The following RIMS1 variants were observed in gnomAD, a reference collection of about 807,000 sequenced individuals.
RIMS1 encodes regulating synaptic membrane exocytosis protein 1.
RIMS1 carries 83 observed loss-of-function variants against 214.1 expected under a neutral mutation model. The observed-to-expected ratio is 0.39, with a 90% CI of 0.32 to 0.47. RIMS1 has a LOEUF of 0.47. Ranked by LOEUF, RIMS1 falls within the 20% of genes least tolerant of loss-of-function variation. The probability of loss-of-function intolerance (pLI) is 0.99; values close to 1 mark genes in which losing one functional copy is unlikely to be tolerated. For synonymous variants in RIMS1, 793 were observed against 786.8 expected (o/e 1.01, Z -0.13); for missense variants, 2,050 against 2,161.8 (o/e 0.95, Z 1.03).
At chr6:71,983,370 C>T (rs1798981134) in intron 2 of RIMS1, among the ~76,000 whole-genome samples, 1 of 151,920 alleles carries the variant, frequency 6.6e-6, no homozygotes, top group Non-Finnish European at 1.5e-5. Context: ...TTCTATTTCT[C>T]ATTTAAATAT....
At chr6:72,223,791 C>CA (rs1288623693) in intron 6 of RIMS1, among the ~76,000 whole-genome samples, 2 of 151,328 alleles carry the variant, frequency 1.3e-5, no homozygotes, top group Non-Finnish European at 3.0e-5. Context: ...ACTAAAAATA[C>CA]AAAAAAATTA....
chr6:72,245,700 T>C, intron 10 of RIMS1, 115 bp from the exon 11 acceptor site: 1 of 737,162 alleles, frequency 1.4e-6, no homozygotes, highest in Admixed American at 2.3e-5. Flanking sequence ...CTCCTATTCA[T>C]TTCCACACCT....
chr6:72,095,229 C>A (rs780348420), intron 2 of RIMS1, among the ~76,000 whole-genome samples: 4 of 149,334 alleles, frequency 2.7e-5, no homozygotes, highest in African/African-American at 7.4e-5. Context: ...TCCCAAAGTG[C>A]TGGGATTACA....
Position 72,235,693 on chromosome 6 carries a change from A to G in RIMS1, c.1822A>G (p.Met608Val), listed in dbSNP as rs761343620. ...GRVILNKRTT[M>V]PKDSGALLGL... ...TGTTATTCTTAACAAGAGAACAACC[A>G]TGCCCAAAGACTCAGGTGCATTGCT... The change falls in exon 8 of 34, where the codon ATG (methionine) becomes GTG (valine). Residue 608 changes from methionine to valine, a missense_variant. Physicochemically the swap from Met to Val is conservative, Grantham distance 21 (BLOSUM62 1). Transcript: ENST00000521978. The G allele has an allele frequency of 1.2e-6, 2 of 1,609,352 alleles. No individual in the cohort carries two copies. Among genetic ancestry groups the G allele is most frequent in the South Asian group, 2.2e-5 (2 of 89,980 alleles).
chr6:72,261,678 T>C, intron 19 of RIMS1: 1 of 985,192 alleles, frequency 1.0e-6, no homozygotes. Flanking sequence ...CCGCAGTACT[T>C]GGGATGCAAA....
rs547717528 is a variant in RIMS1, at chr6:72,050,767, C to T, written c.246-46182C>T. 1.7e-4 allele frequency among the ~76,000 whole-genome samples: 26 copies of T among 152,208 alleles called. No homozygotes were observed. The East Asian group carries it at 4.3e-3, about 25-fold the overall frequency. On this transcript the variant is annotated intron_variant, in intron 2 of 33. Transcript: ENST00000521978. ...GTGTATATCCAAATGTCTGTCTTTT[C>T]GTAAGGTTTATGTGGTAGACTTTTA...
chr6:72,260,668 TTA>T, intron 18 of RIMS1, 35 bp from the exon 19 acceptor site: 1 of 1,608,774 alleles, frequency 6.2e-7, no homozygotes, highest in Non-Finnish European at 8.5e-7. Flanking sequence ...GTCTCATAAT[TTA>T]TCTGTTTCAC....
intron 16 of RIMS1, among the ~76,000 whole-genome samples, chr6:72,257,374 TTATAA>T (rs751724089): frequency 1.8e-4 from 28 of 152,096 alleles, no homozygotes; most frequent in Non-Finnish European, 4.0e-4. Flanking sequence ...AAAGTGACTG[TTATAA>T]TTTATTTTAA....
intron 6 of RIMS1, among the ~76,000 whole-genome samples, chr6:72,202,975 T>C (rs1310747042): frequency 1.3e-5 from 2 of 152,126 alleles, no homozygotes; most frequent in African/African-American, 4.8e-5. Flanking sequence ...TCCATAAATA[T>C]TCTTTCTTTC....
chr6:72,275,376 G>A (rs557094310), intron 23 of RIMS1, among the ~76,000 whole-genome samples: 1 of 151,364 alleles, frequency 6.6e-6, no homozygotes, highest in South Asian at 2.1e-4. Flanking sequence ...GTGTGCGTAC[G>A]GCAGAGTAAT....
Position 72,260,693 on chromosome 6 carries a change from C to T in RIMS1, c.3054-12C>T, listed in dbSNP as rs1563201044. On this transcript the variant is annotated splice_polypyrimidine_tract_variant and intron_variant, in intron 18 of 33. Transcript: ENST00000521978. ...TTATCTGTTTCACTCACCACCCATC[C>T]TGTCTGTGCAGTGAGCTTCTTATGC... 2 of 1,612,110 alleles carry T rather than the reference C, an allele frequency of 1.2e-6. No homozygotes were observed. Among genetic ancestry groups the T allele is most frequent in the Admixed American group, 1.7e-5 (1 of 59,810 alleles).
At chr6:72,121,602 G>A (rs2038332411) in intron 4 of RIMS1, among the ~76,000 whole-genome samples, 5 of 151,756 alleles carry the variant, frequency 3.3e-5, no homozygotes, top group Admixed American at 1.3e-4. Flanking sequence ...CTGCAAACAG[G>A]GGCAATTTGA....
At chr6:72,139,186 C>T (rs1562406087) in intron 4 of RIMS1, among the ~76,000 whole-genome samples, 2 of 152,026 alleles carry the variant, frequency 1.3e-5, no homozygotes, top group Non-Finnish European at 2.9e-5. Context: ...TTTCTAGGAC[C>T]TAAAAAGTCC....
intron 22 of RIMS1, among the ~76,000 whole-genome samples, chr6:72,272,906 T>G (rs1052060973): frequency 2.0e-5 from 3 of 152,188 alleles, no homozygotes; most frequent in Non-Finnish European, 4.4e-5. Context: ...AAGAAACTTT[T>G]TAAAACATTC....
chr6:72,190,093 A>C (rs1284510680), intron 6 of RIMS1, among the ~76,000 whole-genome samples: 1 of 152,174 alleles, frequency 6.6e-6, no homozygotes, highest in Non-Finnish European at 1.5e-5. Flanking sequence ...CAAAGTGTAC[A>C]ACCAGGTACA....
At chr6:72,263,302 A>T (rs1286068276) in intron 19 of RIMS1, 1 of 985,204 alleles carries the variant, frequency 1.0e-6, no homozygotes, top group Non-Finnish European at 1.2e-6. Context: ...AGGAAGTGGT[A>T]GTATAGAGAA....
chr6:71,893,281 G>A (rs953869660), intron 1 of RIMS1, among the ~76,000 whole-genome samples: 4 of 151,852 alleles, frequency 2.6e-5, no homozygotes, highest in African/African-American at 9.7e-5. Flanking sequence ...TGAGTTCAGG[G>A]CTTGGTCTGA....
intron 22 of RIMS1, among the ~76,000 whole-genome samples, chr6:72,271,286 A>T (rs9360545): frequency 0.073 from 3,013 of 41,088 alleles, 46 homozygotes; most frequent in Admixed American, 0.089. Context: ...AAAAAAAAAA[A>T]ATATATATAT....
intron 4 of RIMS1, among the ~76,000 whole-genome samples, chr6:72,110,311 A>G (rs2035782141): frequency 6.6e-6 from 1 of 152,126 alleles, no homozygotes. Context: ...CATTTTCATG[A>G]TATTGATTCT....
Sources: allele counts gnomAD v4.1 joint callset (sites outside exome capture counted in the v4.1 genomes callset), GRCh38; gene constraint gnomAD v4.1.1; transcripts MANE v1.5; gene names NCBI Gene and HGNC (gene_info 2026-07-23, HGNC 2026-07-21).